SFXN1: variants seen among roughly 807,000 people sequenced by gnomAD.
SFXN1 encodes sideroflexin-1.
A neutral mutation model predicts 39.5 loss-of-function variants in SFXN1; 32 were observed. The ratio of observed to expected loss-of-function variants is 0.81; its 90% CI spans 0.61 to 1.09. The LOEUF is 1.09. Ranked by LOEUF, SFXN1 falls within the 50% of genes least tolerant of loss-of-function variation. The probability of loss-of-function intolerance (pLI) is 0.00; values close to 1 mark genes in which losing one functional copy is unlikely to be tolerated. For synonymous variants in SFXN1, 136 were observed against 146.5 expected, an observed-to-expected ratio of 0.93 and a Z score of 0.52; for missense variants, 402 against 407.1, an observed-to-expected ratio of 0.99 and a Z score of 0.11.
At chr5:175,484,549 G>A (rs768124728) in intron 1 of SFXN1, among the ~76,000 whole-genome samples, 14 of 152,238 alleles carry the variant, frequency 9.2e-5, no homozygotes, top group Non-Finnish European at 1.9e-4. Context: ...ACCCCTGCGG[G>A]TGGAAAAGGG....
chr5:175,522,608 AC>A (rs1435381725), intron 10 of SFXN1, 186 bp downstream of exon 10: 2 of 524,694 alleles, frequency 3.8e-6, no homozygotes, highest in Admixed American at 3.7e-5. Context: ...TTTCAGATGC[AC>A]CCAGCTCTTT....
At chr5:175,505,437 C>T (rs1045392795) in intron 2 of SFXN1, among the ~76,000 whole-genome samples, 8 of 151,130 alleles carry the variant, frequency 5.3e-5, no homozygotes, top group Non-Finnish European at 1.0e-4. Flanking sequence ...CCCAGGAGGC[C>T]GGGGCAGGAG....
intron 1 of SFXN1, among the ~76,000 whole-genome samples, chr5:175,484,896 A>T (rs1759393063): frequency 6.6e-6 from 1 of 152,124 alleles, no homozygotes; most frequent in Non-Finnish European, 1.5e-5. Flanking sequence ...ATAAGTTTTG[A>T]TGTTTGTTTG....
At chr5:175,513,825 A>T in intron 7 of SFXN1, 1 of 394,560 alleles carries the variant, frequency 2.5e-6, no homozygotes. Flanking sequence ...CACTGGGTGG[A>T]GGTGTGGGAG....
At chr5:175,487,821 C>G (rs1029830738) in intron 1 of SFXN1, among the ~76,000 whole-genome samples, 3 of 152,170 alleles carry the variant, frequency 2.0e-5, no homozygotes, top group Non-Finnish European at 2.9e-5. Flanking sequence ...TGTCTTCTCC[C>G]TCGGCCCTCT....
At chr5:175,509,001 G>T (rs772775832) in intron 2 of SFXN1, 31 bp from the exon 3 acceptor site, 46 of 1,578,344 alleles carry the variant, frequency 2.9e-5, no homozygotes, top group Non-Finnish European at 3.9e-5. Flanking sequence ...TTTGAAATGA[G>T]CAATTGCCAT....
At position 175,509,135 on chromosome 5, in the gene SFXN1, A is replaced by T; in HGVS notation, c.268A>T (p.Ile90Leu). 1 of 1,613,830 alleles carries T rather than the reference A, an allele frequency of 6.2e-7. No individual in the cohort carries two copies. Among genetic ancestry groups the T allele is most frequent in the Non-Finnish European group, 8.5e-7 (1 of 1,179,890 alleles). ...TGACACTGGTGAGAAGATGATTTTG[A>T]TAGGAAGAATGTCAGCCCAGGTTCC... Reference protein sequence around the residue: ...HPDTGEKMILIGRMSAQVPMN... With the variant: ...HPDTGEKMILLGRMSAQVPMN... Residue 90 changes from isoleucine to leucine, a missense_variant, in exon 3 of 11, where the codon ATA becomes TTA. By Grantham distance (5) the Ile-to-Leu change is conservative (BLOSUM62 2). Coordinates refer to ENST00000321442, the MANE Select transcript of SFXN1 (RefSeq NM_022754.7).
intron 2 of SFXN1, among the ~76,000 whole-genome samples, chr5:175,495,390 A>T (rs1759820762): frequency 6.6e-6 from 1 of 152,198 alleles, no homozygotes; most frequent in African/African-American, 2.4e-5. Context: ...TGATGACCAC[A>T]CAATAATGTG....
At chr5:175,494,918 C>T (rs983776861) in intron 2 of SFXN1, among the ~76,000 whole-genome samples, 1 of 151,962 alleles carries the variant, frequency 6.6e-6, no homozygotes, top group Non-Finnish European at 1.5e-5. Flanking sequence ...ACCGTGTGAC[C>T]CAGCAGTTCC....
At chr5:175,525,641 C>T (rs1399937999) in intron 10 of SFXN1, among the ~76,000 whole-genome samples, 2 of 152,174 alleles carry the variant, frequency 1.3e-5, no homozygotes, top group Non-Finnish European at 2.9e-5. Context: ...CAGGGTCTCA[C>T]TCTCTTGCCC....
At chr5:175,526,569 C>A in intron 10 of SFXN1, 69 bp from the exon 11 acceptor site, 1 of 1,302,078 alleles carries the variant, frequency 7.7e-7, no homozygotes, top group Non-Finnish European at 1.1e-6. Flanking sequence ...TGCCTTCTCC[C>A]TGCTCTTTCT....
chr5:175,513,129 C>T (rs952261030), intron 6 of SFXN1, among the ~76,000 whole-genome samples: 4 of 151,800 alleles, frequency 2.6e-5, no homozygotes, highest in Admixed American at 6.6e-5. Context: ...GGCAAAACCC[C>T]GTCTCTACTA....
chr5:175,512,273 C>G lies in SFXN1; in HGVS notation c.596+77C>G, dbSNP rs1262482574. ...CTTGTAATAATTAGCTTTGTTGAAA[C>G]TTTCAAATGCTTGTTTTAATATGTA... On this transcript the variant is annotated intron_variant, in intron 6 of 10. Transcript: ENST00000321442. 1.5e-5 allele frequency: 18 copies of G among 1,240,092 alleles called. No homozygotes were observed. The Admixed American group carries it at 3.4e-4, about 24-fold the overall frequency. 76.8% of individuals were successfully genotyped at this position (1,240,092 alleles called of 1,614,324 possible).
chr5:175,529,598 A>C lies in SFXN1; in HGVS notation c.*2864A>C, dbSNP rs144898782. The C allele has an allele frequency of 1.6e-4, 24 of 152,384 alleles. No individual in the cohort carries two copies. The highest frequency in any genetic ancestry group is 5.5e-4 in the African/African-American group (23 of 41,594). The allele number at this position is 152,384 out of a possible 1,614,324, so 9.4% of individuals were successfully genotyped here. A position where few individuals can be genotyped will look rare whatever the true frequency, so the allele number is the denominator to read the frequency against. On this transcript the variant is annotated 3_prime_UTR_variant, in exon 11 of 11. Transcript: ENST00000321442. The stretch of plus-strand genomic sequence containing the variant: ...AGTAGTTATTAATATTTCTATTAAC[A>C]TGATACAAAGGATGATGATTGTAAG...
intron 1 of SFXN1, among the ~76,000 whole-genome samples, chr5:175,486,005 A>G (rs1238530842): frequency 6.6e-6 from 1 of 152,180 alleles, no homozygotes; most frequent in African/African-American, 2.4e-5. Flanking sequence ...TATATAATGG[A>G]AATTCTTAAG....
At chr5:175,487,996 T>C (rs1344978666) in intron 1 of SFXN1, among the ~76,000 whole-genome samples, 4 of 152,226 alleles carry the variant, frequency 2.6e-5, no homozygotes, top group Non-Finnish European at 5.9e-5. Context: ...TCTGGATCTC[T>C]GCAGTAACCT....
Position 175,489,090 on chromosome 5 carries a change from T to C in SFXN1, c.-9-3005T>C, listed in dbSNP as rs775218517. Among the ~76,000 whole-genome samples, 30 of 148,916 alleles carry C rather than the reference T, an allele frequency of 2.0e-4. 1 individual carries two copies. Among genetic ancestry groups the C allele is most frequent in the Admixed American group, 6.8e-5 (1 of 14,752 alleles). On this transcript the variant is annotated intron_variant, in intron 1 of 10. Transcript: ENST00000321442. ...TAAGTAGGTGCTCAATAAATAGATATTAAAGATAGCAGCCTTTTTTTAGAC... is the reference window on the plus strand; with the variant it reads ...TAAGTAGGTGCTCAATAAATAGATACTAAAGATAGCAGCCTTTTTTTAGAC...
At chr5:175,508,908 T>TA in intron 2 of SFXN1, 124 bp from the exon 3 acceptor site, 6 of 833,908 alleles carry the variant, frequency 7.2e-6, no homozygotes, top group Non-Finnish European at 9.1e-6. Context: ...GTGCTGGGAT[T>TA]ACAGACGTAA....
At chr5:175,514,540 T>C (rs1249584304) in intron 7 of SFXN1, among the ~76,000 whole-genome samples, 1 of 152,202 alleles carries the variant, frequency 6.6e-6, no homozygotes, top group Non-Finnish European at 1.5e-5. Context: ...TCATCTAAAC[T>C]GAATGCAAAC....
Sources: gnomAD v4.1 joint callset for allele counts (sites outside exome capture counted in the v4.1 genomes callset) on GRCh38, gnomAD v4.1.1 for gene constraint, MANE v1.5 for transcripts, NCBI Gene and HGNC (gene_info 2026-07-23, HGNC 2026-07-21) for gene names.